The following RALGAPA1 variants were observed in gnomAD, a reference collection of about 807,000 sequenced individuals.
RALGAPA1 encodes the protein ral GTPase-activating protein subunit alpha-1.
In RALGAPA1, 52 loss-of-function variants were observed where a neutral mutation model predicts 269.6. The observed-to-expected ratio is 0.19, with a 90% CI of 0.15 to 0.24. RALGAPA1 has a LOEUF of 0.24. RALGAPA1 is among the 10% of genes least tolerant of loss of function. The pLI, the probability that RALGAPA1 is intolerant of heterozygous loss-of-function variation, is 1.00. For missense variants in RALGAPA1, 1,917 were observed against 3,013.9 expected, an observed-to-expected ratio of 0.64 and a Z score of 8.52; for synonymous variants, 817 against 1,008.3, an observed-to-expected ratio of 0.81 and a Z score of 3.60.
intron 10 of RALGAPA1, among the ~76,000 whole-genome samples, chr14:35,744,348 G>A (rs1160609552): frequency 2.8e-5 from 4 of 142,802 alleles, no homozygotes; most frequent in Admixed American, 1.5e-4. Context: ...TCCAGCCTGG[G>A]CAACAAGAAC....
At chr14:35,669,345 C>T (rs1658855586) in intron 26 of RALGAPA1, among the ~76,000 whole-genome samples, 1 of 152,096 alleles carries the variant, frequency 6.6e-6, no homozygotes, top group African/African-American at 2.4e-5. Context: ...AACTCTGCCT[C>T]CTGGGTTCAA....
chr14:35,639,889 A>C (rs931522662), intron 31 of RALGAPA1, among the ~76,000 whole-genome samples: 12 of 151,982 alleles, frequency 7.9e-5, no homozygotes, highest in Admixed American at 5.9e-4. Context: ...CAGTGAGTCA[A>C]GATTGCACCA....
intron 29 of RALGAPA1, among the ~76,000 whole-genome samples, chr14:35,655,452 A>T (rs1748696987): frequency 6.6e-6 from 1 of 152,112 alleles, no homozygotes; most frequent in African/African-American, 2.4e-5. Flanking sequence ...GAATTCAGGG[A>T]GTGGTAATAA....
rs986692962 is a variant in RALGAPA1 at position 35,625,508 on chromosome 14, T to C, written c.6858-76A>G. 8.6e-6 allele frequency: 9 copies of C among 1,041,014 alleles called. No individual in the cohort carries two copies. In the South Asian group the frequency reaches 9.5e-5, roughly 11 times the overall value. 64.5% of individuals were successfully genotyped at this position (1,041,014 alleles called of 1,614,324 possible). ...AGACAGTCCCGGAAATACTTTCCAC[T>C]CTACTCATGCAACTTTTCTACTTTT... On this transcript the variant is annotated intron_variant, in intron 34 of 41. Transcript: ENST00000680220.
intron 12 of RALGAPA1, among the ~76,000 whole-genome samples, chr14:35,729,627 T>C (rs1366461840): frequency 6.6e-6 from 1 of 151,952 alleles, no homozygotes; most frequent in Non-Finnish European, 1.5e-5. Flanking sequence ...AAAATCAAGT[T>C]TAAAGGACCT....
intron 31 of RALGAPA1, among the ~76,000 whole-genome samples, chr14:35,640,870 T>C (rs1023062228): frequency 2.6e-5 from 4 of 152,090 alleles, no homozygotes; most frequent in African/African-American, 9.7e-5. Flanking sequence ...GCATTAGAAA[T>C]ATCACTCACC....
chr14:35,727,652 G>T (rs1428699280), intron 13 of RALGAPA1, among the ~76,000 whole-genome samples: 1 of 151,896 alleles, frequency 6.6e-6, no homozygotes, highest in Non-Finnish European at 1.5e-5. Flanking sequence ...ACCTTCTAGG[G>T]GTTCTCAGTT....
chr14:35,730,764 T>C (rs952663096), intron 12 of RALGAPA1, among the ~76,000 whole-genome samples: 3 of 152,190 alleles, frequency 2.0e-5, no homozygotes, highest in Non-Finnish European at 2.9e-5. Context: ...CAGACACACC[T>C]AGCCCTGCCC....
At chr14:35,716,417 A>AAAAG in intron 16 of RALGAPA1, among the ~76,000 whole-genome samples, 1 of 151,422 alleles carries the variant, frequency 6.6e-6, no homozygotes, top group African/African-American at 2.4e-5. Flanking sequence ...AAAAAAAAAA[A>AAAAG]AAAGACTATT....
chr14:35,607,014 GGGGTT>G (rs570319621), intron 35 of RALGAPA1, among the ~76,000 whole-genome samples: 2 of 152,264 alleles, frequency 1.3e-5, no homozygotes, highest in South Asian at 4.1e-4. Context: ...AATATGATTT[GGGGTT>G]GGGTAGACTT....
At chr14:35,559,899 G>A (rs191014060) in intron 39 of RALGAPA1, among the ~76,000 whole-genome samples, 28 of 152,246 alleles carry the variant, frequency 1.8e-4, no homozygotes, top group African/African-American at 6.7e-4. Context: ...AGTATCATGA[G>A]TCTATCATAA....
At chr14:35,731,207 ACT>A in intron 12 of RALGAPA1, among the ~76,000 whole-genome samples, 1 of 152,244 alleles carries the variant, frequency 6.6e-6, no homozygotes, top group East Asian at 1.9e-4. Context: ...TCAGAAGAAC[ACT>A]CTATGGGACA....
intron 1 of RALGAPA1, among the ~76,000 whole-genome samples, chr14:35,803,618 C>G (rs998270023): frequency 6.6e-6 from 1 of 151,270 alleles, no homozygotes; most frequent in Non-Finnish European, 1.5e-5. Context: ...GTATCTGTAT[C>G]TAGAATATAT....
chr14:35,787,176 C>T (rs1213935710), intron 1 of RALGAPA1, among the ~76,000 whole-genome samples: 1 of 152,218 alleles, frequency 6.6e-6, no homozygotes, highest in African/African-American at 2.4e-5. Flanking sequence ...TAGCAAAGCA[C>T]TGTATCTATT....
chr14:35,755,292 G>A (rs2073073755), intron 7 of RALGAPA1, among the ~76,000 whole-genome samples: 1 of 152,114 alleles, frequency 6.6e-6, no homozygotes, highest in South Asian at 2.1e-4. Context: ...GGTTGAGGCT[G>A]CCGTAAGCCA....
chr14:35,612,740 A>T (rs559235664), intron 35 of RALGAPA1, among the ~76,000 whole-genome samples: 1 of 152,150 alleles, frequency 6.6e-6, no homozygotes, highest in African/African-American at 2.4e-5. Context: ...GGGTTTCACC[A>T]TGTTAGCCAG....
chr14:35,726,120 G>A (rs545912717), intron 13 of RALGAPA1, among the ~76,000 whole-genome samples: 2 of 152,184 alleles, frequency 1.3e-5, no homozygotes, highest in African/African-American at 4.8e-5. Context: ...CAGGCATAGC[G>A]ATACGTGGAA....
chr14:35,707,431 T>C (rs567433107), intron 16 of RALGAPA1: 3 of 152,274 alleles, frequency 2.0e-5, no homozygotes, highest in South Asian at 4.1e-4. Flanking sequence ...AGGTAAGTTG[T>C]CCTGTGTTTT....
chr14:35,709,116 G>A (rs775200357), intron 16 of RALGAPA1, among the ~76,000 whole-genome samples: 10 of 151,900 alleles, frequency 6.6e-5, no homozygotes, highest in Admixed American at 1.3e-4. Flanking sequence ...GATGGTTAAT[G>A]GGTACAAAAA....
Sources: allele counts gnomAD v4.1 joint callset (sites outside exome capture counted in the v4.1 genomes callset), GRCh38; gene constraint gnomAD v4.1.1; transcripts MANE v1.5; gene names NCBI Gene and HGNC (gene_info 2026-07-23, HGNC 2026-07-21).